TMEM38B: variants seen among roughly 807,000 people sequenced by gnomAD.
TMEM38B encodes transmembrane protein 38B, also known as trimeric intracellular cation channel type B.
TMEM38B carries 24 observed loss-of-function variants against 28.7 expected under a neutral mutation model. The ratio of observed to expected loss-of-function variants is 0.84; its 90% CI spans 0.61 to 1.18. The LOEUF (loss-of-function observed/expected upper bound fraction) is 1.18, where lower values mean the gene tolerates loss of function less well. Among genes scored for constraint, TMEM38B ranks in the 50% most tolerant of loss-of-function variants. TMEM38B has a pLI of 0.00. For synonymous variants in TMEM38B, 131 were observed against 127.7 expected (o/e 1.03, Z -0.17); for missense variants, 380 against 350.9 (o/e 1.08, Z -0.66).
chr9:105,752,176 C>T (rs1427888759), intron 5 of TMEM38B, among the ~76,000 whole-genome samples: 2 of 152,126 alleles, frequency 1.3e-5, no homozygotes, highest in African/African-American at 4.8e-5. Flanking sequence ...CTCCATCTCT[C>T]CCTGGGATGG....
chr9:105,724,300 C>G (rs951508677), intron 4 of TMEM38B, among the ~76,000 whole-genome samples: 18 of 152,020 alleles, frequency 1.2e-4, no homozygotes, highest in Non-Finnish European at 1.3e-4. Context: ...AGCTCATTTT[C>G]TAATTTAAAT....
chr9:105,736,166 A>T (rs1402889480), intron 4 of TMEM38B, among the ~76,000 whole-genome samples: 1 of 151,602 alleles, frequency 6.6e-6, no homozygotes, highest in Non-Finnish European at 1.5e-5. Flanking sequence ...CTGGGATTAC[A>T]TGTGGATTAT....
intron 5 of TMEM38B, chr9:105,749,200 T>C: frequency 5.6e-6 from 5 of 898,040 alleles, no homozygotes; most frequent in Non-Finnish European, 7.7e-6. Flanking sequence ...CTAACAGCTT[T>C]ATTGAGATAT....
chr9:105,696,698 G>A (rs1227977728), intron 1 of TMEM38B, among the ~76,000 whole-genome samples: 1 of 152,170 alleles, frequency 6.6e-6, no homozygotes, highest in Admixed American at 6.5e-5. Flanking sequence ...TGTCTTGGGT[G>A]GCCCCAAGGA....
chr9:105,733,421 C>CTTTT lies in TMEM38B; in HGVS notation c.542+10812_542+10815dup, dbSNP rs71306454. Reference sequence around the variant, plus strand: ...ATATTGGCTTGCAGTTTTCTTTTTTCTTTTTTTTTTTTTTTGCGGTGTCTT... The same window carrying CTTTT: ...ATATTGGCTTGCAGTTTTCTTTTTTCTTTTTTTTTTTTTTTTTTTGCGGTGTCTT... On this transcript the variant is annotated intron_variant, in intron 4 of 5. Coordinates refer to ENST00000374692, the MANE Select transcript of TMEM38B (RefSeq NM_018112.3). Among the ~76,000 whole-genome samples, 633 of 127,824 alleles carry CTTTT rather than the reference C, an allele frequency of 5.0e-3. 13 individuals carry two copies. Among genetic ancestry groups the CTTTT allele is most frequent in the East Asian group, 0.03 (136 of 4,472 alleles). 83.9% of individuals were successfully genotyped at this position (127,824 alleles called of 152,430 possible).
In TMEM38B at chr9:105,703,615, A is replaced by G. The variant is rs925697958; in HGVS notation, c.113-1982A>G. Among the ~76,000 whole-genome samples the G allele has an allele frequency of 7.9e-5, 12 of 152,260 alleles. No homozygotes were observed. The South Asian group carries it at 1.9e-3, about 24-fold the overall frequency. ...ATTTCCAGTTCTAGATCCCTGAGTA[A>G]TCGCCACACTGACTTCCACAATGGT... is the stretch of plus-strand genomic sequence containing the variant. On this transcript the variant is annotated intron_variant, in intron 1 of 5. Transcript: ENST00000374692.
In TMEM38B at chr9:105,721,392, T is replaced by G. The variant is rs1239640083; in HGVS notation, c.270-145T>G. On this transcript the variant is annotated intron_variant, in intron 2 of 5. Coordinates refer to ENST00000374692, the MANE Select transcript of TMEM38B (RefSeq NM_018112.3). The stretch of plus-strand genomic sequence containing the variant: ...AAAAATTGCCTCCCTACCCAAGTTG[T>G]GCTTTTATTGAAATCAAGTTAAATG... 9.4e-6 allele frequency: 6 copies of G among 641,668 alleles called. No homozygotes were observed. The South Asian group carries it at 1.3e-4, about 14-fold the overall frequency. The allele number at this position is 641,668 out of a possible 1,614,324, so 39.7% of individuals were successfully genotyped here. A position where few individuals can be genotyped will look rare whatever the true frequency, so the allele number is the denominator to read the frequency against.
intron 2 of TMEM38B, among the ~76,000 whole-genome samples, chr9:105,720,013 A>G (rs1432203286): frequency 6.6e-6 from 1 of 152,090 alleles, no homozygotes; most frequent in East Asian, 1.9e-4. Context: ...ACAGACTTTC[A>G]AATTTTCTAT....
Position 105,768,416 on chromosome 9 carries a change from T to G in TMEM38B, c.661-5449T>G, listed in dbSNP as rs1826445194. ...TGTAATTTTTTTCTCCTTTTTGTAT[T>G]AACATAAAATTGGGCTCATTAAATA... On this transcript the variant is annotated intron_variant, in intron 5 of 5. Transcript: ENST00000374692. 3.9e-5 allele frequency among the ~76,000 whole-genome samples: 6 copies of G among 152,106 alleles called. No individual in the cohort carries two copies. The South Asian group carries it at 1.2e-3, about 31-fold the overall frequency.
intron 2 of TMEM38B, chr9:105,710,852 T>G (rs1588398783): frequency 2.7e-6 from 1 of 365,746 alleles, no homozygotes; most frequent in East Asian, 6.8e-5. Flanking sequence ...CTGCCAAGCC[T>G]CAGACACACA....
intron 5 of TMEM38B, among the ~76,000 whole-genome samples, chr9:105,762,730 G>A (rs901049835): frequency 2.5e-4 from 37 of 147,238 alleles, no homozygotes; most frequent in Non-Finnish European, 5.4e-4. Flanking sequence ...ATGTGCATGT[G>A]TCTTTATAGC....
chr9:105,725,665 T>C (rs1396702740), intron 4 of TMEM38B, among the ~76,000 whole-genome samples: 3 of 152,150 alleles, frequency 2.0e-5, no homozygotes, highest in Admixed American at 6.5e-5. Context: ...TAGGCAATTT[T>C]AACGTAGTAG....
At chr9:105,744,185 C>A (rs988789910) in intron 4 of TMEM38B, among the ~76,000 whole-genome samples, 2 of 151,620 alleles carry the variant, frequency 1.3e-5, no homozygotes, top group African/African-American at 4.8e-5. Context: ...TATATAAAAT[C>A]ATAAATTAAC....
chr9:105,721,436 T>G, intron 2 of TMEM38B, 101 bp from the exon 3 acceptor site: 6 of 858,002 alleles, frequency 7.0e-6, no homozygotes, highest in Non-Finnish European at 1.0e-5. Context: ...GAAAATTCCA[T>G]TTGTTGTGTT....
intron 2 of TMEM38B, among the ~76,000 whole-genome samples, chr9:105,710,057 T>G (rs1048344971): frequency 1.3e-5 from 2 of 152,242 alleles, no homozygotes; most frequent in African/African-American, 4.8e-5. Flanking sequence ...TTATTTGTCC[T>G]AAAATGCTTA....
intron 5 of TMEM38B, among the ~76,000 whole-genome samples, chr9:105,766,506 G>T (rs1826374818): frequency 6.6e-6 from 1 of 152,006 alleles, no homozygotes; most frequent in Non-Finnish European, 1.5e-5. Flanking sequence ...TCAATCCTTG[G>T]TGAGATATAT....
chr9:105,698,788 T>A (rs2133542994), intron 1 of TMEM38B, among the ~76,000 whole-genome samples: 1 of 152,310 alleles, frequency 6.6e-6, no homozygotes, highest in Non-Finnish European at 1.5e-5. Context: ...GTTTATTTAA[T>A]AGGCATTGCT....
chr9:105,711,458 A>G (rs1835900402), intron 2 of TMEM38B, among the ~76,000 whole-genome samples: 1 of 151,978 alleles, frequency 6.6e-6, no homozygotes, highest in Non-Finnish European at 1.5e-5. Flanking sequence ...AAGAAAAGAA[A>G]AGAAAAAGGA....
intron 2 of TMEM38B, among the ~76,000 whole-genome samples, chr9:105,715,280 G>A (rs1836054001): frequency 1.3e-5 from 2 of 152,080 alleles, no homozygotes; most frequent in Admixed American, 6.5e-5. Context: ...AAGCACTGCT[G>A]TGAAAGTCTG....
Sources: allele counts gnomAD v4.1 joint callset (sites outside exome capture counted in the v4.1 genomes callset), GRCh38; gene constraint gnomAD v4.1.1; transcripts MANE v1.5; gene names NCBI Gene and HGNC (gene_info 2026-07-23, HGNC 2026-07-21).